EPHB3: variants seen among roughly 807,000 people sequenced by gnomAD.
The protein encoded by EPHB3 is EPH receptor B3, also known as ephrin type-B receptor 3.
Under a neutral mutation model 100.2 loss-of-function variants are expected in EPHB3, and 33 were observed. The observed-to-expected ratio is 0.33, with a 90% CI of 0.25 to 0.44. The LOEUF (loss-of-function observed/expected upper bound fraction) is 0.44, where lower values mean the gene tolerates loss of function less well. Among genes scored for constraint, EPHB3 ranks in the 20% least tolerant of loss-of-function variants. The pLI, the probability that EPHB3 is intolerant of heterozygous loss-of-function variation, is 1.00. For synonymous variants in EPHB3, 526 were observed against 554.7 expected (o/e 0.95, Z 0.73); for missense variants, 1,045 against 1,378.3 (o/e 0.76, Z 3.83).
rs1714701576 is a variant in EPHB3, at chr3:184,577,326, C to T, written c.1355-17C>T. 1.2e-6 allele frequency: 2 copies of T among 1,611,186 alleles called. No individual in the cohort carries two copies. Among genetic ancestry groups the T allele is most frequent in the Non-Finnish European group, 1.7e-6 (2 of 1,178,894 alleles). Reference sequence around the variant, plus strand: ...CAGGGTCCAGGGAGCCCCTGGTGAGCCCTCTGCTCTTCCCAGCCCCGTCTG... The same window carrying T: ...CAGGGTCCAGGGAGCCCCTGGTGAGTCCTCTGCTCTTCCCAGCCCCGTCTG... On this transcript the variant is annotated splice_polypyrimidine_tract_variant and intron_variant, in intron 5 of 15. Coordinates refer to ENST00000330394, the MANE Select transcript of EPHB3 (RefSeq NM_004443.4). This position sits in a 1 kb window ranked among gnomAD's most constrained non-coding sequence, Gnocchi z 4.9.
rs528843005 is a variant in EPHB3 at position 184,563,901 on chromosome 3, CTTGTTGTGG to C, written c.118+1549_118+1557del. On this transcript the variant is annotated intron_variant, in intron 1 of 15. Coordinates refer to ENST00000330394, the MANE Select transcript of EPHB3 (RefSeq NM_004443.4). This position sits in a 1 kb window ranked among gnomAD's most constrained non-coding sequence, Gnocchi z 4.1. ...CCTGTGTGTGTCGGGCCACAAGGCC[CTTGTTGTGG>C]GTGTGGTGGGTGCTGGTGCTGAGTG... 1.3e-5 allele frequency among the ~76,000 whole-genome samples: 2 copies of C among 152,340 alleles called. No individual in the cohort carries two copies. Among genetic ancestry groups the C allele is most frequent in the East Asian group, 3.9e-4 (2 of 5,188 alleles).
chr3:184,577,158 C>T lies in EPHB3; in HGVS notation c.1329C>T (p.Ala443=), dbSNP rs763706707. Residue 443 remains alanine, a synonymous_variant, in exon 5 of 16, where the codon GCC becomes GCT. Transcript: ENST00000330394. This position sits in a 1 kb window ranked among gnomAD's most constrained non-coding sequence, Gnocchi z 4.9. Reference sequence around the variant, plus strand: ...GCCCTCTGCCGCCTCGTTATGCGGCCGTGAATATCACCACAAACCAGGCTG... The same window carrying T: ...GCCCTCTGCCGCCTCGTTATGCGGCTGTGAATATCACCACAAACCAGGCTG... The part of the protein sequence containing the change: ...GKSPLPPRYA[A]VNITTNQAAP... The T allele has an allele frequency of 3.1e-5, 49 of 1,604,196 alleles. No homozygotes were observed. The highest frequency in any genetic ancestry group is 8.0e-5 in the African/African-American group (6 of 74,806).
In EPHB3 at chr3:184,577,849, G is replaced by T; in HGVS notation, c.1639+32G>T. On this transcript the variant is annotated intron_variant, in intron 7 of 15. Transcript: ENST00000330394. This position sits in a 1 kb window ranked among gnomAD's most constrained non-coding sequence, Gnocchi z 4.9. ...AGCCCCCTGCGCCTGTCCCCATCGC[G>T]GCCCTCACTCTCTGTCCCTCCACTC... 1 of 1,605,178 alleles carries T rather than the reference G, an allele frequency of 6.2e-7. No homozygotes were observed. Among genetic ancestry groups the T allele is most frequent in the African/African-American group, 1.3e-5 (1 of 74,836 alleles).
rs1204301997 is a variant in EPHB3 at position 184,580,598 on chromosome 3, C to T, written c.2369C>T (p.Pro790Leu). 1 of 1,613,862 alleles carries T rather than the reference C, an allele frequency of 6.2e-7. No homozygotes were observed. Among genetic ancestry groups the T allele is most frequent in the South Asian group, 1.1e-5 (1 of 91,080 alleles). Residue 790 changes from proline to leucine, a missense_variant, in exon 12 of 16, where the codon CCT (proline) becomes CTT (leucine). This residue lies in a region of EPHB3 where 985 missense variants were observed against 1,331.1 expected (regional missense o/e 0.74). Coordinates refer to ENST00000330394, the MANE Select transcript of EPHB3 (RefSeq NM_004443.4). Reference protein sequence around the residue: ...SRFLEDDPSDPTYTSSLGGKI... With the variant: ...SRFLEDDPSDLTYTSSLGGKI... ...TTCCTGGAGGATGACCCCTCCGATCCTACCTACACCAGTTCCCTGGTACAG... is the reference window on the plus strand; with the variant it reads ...TTCCTGGAGGATGACCCCTCCGATCTTACCTACACCAGTTCCCTGGTACAG...
Position 184,579,720 on chromosome 3 carries a change from A to G in EPHB3, c.1958A>G (p.Lys653Arg). The part of the protein sequence containing the change: ...EFGEVCRGRL[K>R]QPGRREVFVA... Reference sequence around the variant, plus strand: ...GGGGAAGTGTGCCGTGGTCGACTGAAACAGCCTGGCCGCCGAGAGGTGTTT... The same window carrying G: ...GGGGAAGTGTGCCGTGGTCGACTGAGACAGCCTGGCCGCCGAGAGGTGTTT... Residue 653 changes from lysine to arginine, a missense_variant, in exon 11 of 16, where the codon AAA (lysine) becomes AGA (arginine). Lys to Arg is a conservative substitution (Grantham distance 26). Around this residue, in one of 2 missense-constraint regions of EPHB3, gnomAD observed 985 missense variants for 1,331.1 expected, o/e 0.74. Transcript: ENST00000330394. This position sits in a 1 kb window ranked among gnomAD's most constrained non-coding sequence, Gnocchi z 5.2. The G allele has an allele frequency of 6.2e-7, 1 of 1,612,290 alleles. No individual in the cohort carries two copies. The highest frequency in any genetic ancestry group is 1.1e-5 in the South Asian group (1 of 90,984).
intron 1 of EPHB3, among the ~76,000 whole-genome samples, chr3:184,566,309 C>A (rs1231698223): frequency 6.6e-6 from 1 of 152,234 alleles, no homozygotes; most frequent in African/African-American, 2.4e-5. Context: ...GCTTCTTTCC[C>A]CTTCTTCTCC....
rs575968180 is a variant in EPHB3 at position 184,563,342 on chromosome 3, C to A, written c.118+989C>A. ...ACCTTCCCTAAAGTGGAGGGAGGGA[C>A]GCCACAGAAATTCGAGGGCAATTGG... On this transcript the variant is annotated intron_variant, in intron 1 of 15. Coordinates refer to ENST00000330394, the MANE Select transcript of EPHB3 (RefSeq NM_004443.4). The surrounding 1 kb of genome is among the most constrained non-coding windows in gnomAD (Gnocchi z 4.1). Among the ~76,000 whole-genome samples the A allele has an allele frequency of 6.6e-6, 1 of 152,038 alleles. No individual in the cohort carries two copies. Among genetic ancestry groups the A allele is most frequent in the African/African-American group, 2.4e-5 (1 of 41,396 alleles).
In EPHB3 at chr3:184,578,138, C is replaced by T. The variant is rs908272299; in HGVS notation, c.1748+132C>T. 26 of 1,037,776 alleles carry T rather than the reference C, an allele frequency of 2.5e-5. No individual in the cohort carries two copies. The highest frequency in any genetic ancestry group is 1.3e-4 in the African/African-American group (8 of 61,942). 64.3% of individuals were successfully genotyped at this position (1,037,776 alleles called of 1,614,324 possible). On this transcript the variant is annotated intron_variant, in intron 8 of 15. Transcript: ENST00000330394. The surrounding 1 kb of genome is among the most constrained non-coding windows in gnomAD (Gnocchi z 4.7). The stretch of plus-strand genomic sequence containing the variant: ...GGGCCTTAGCCCTCCTGGGGCCAGC[C>T]GTTGCTGGAGAAGCCCTCTCCCATC...
chr3:184,564,399 C>T (rs114725441), intron 1 of EPHB3, among the ~76,000 whole-genome samples: 2,303 of 152,320 alleles, frequency 0.015, 55 homozygotes, highest in African/African-American at 0.053. Flanking sequence ...CTGACCCCAG[C>T]GCAGACATTG....
intron 4 of EPHB3, 33 bp downstream of exon 4, chr3:184,576,018 C>A: frequency 6.4e-7 from 1 of 1,571,534 alleles, no homozygotes; most frequent in South Asian, 1.2e-5. Context: ...TTTCCCTCTG[C>A]AGGCCTTCCC....
At chr3:184,575,332 C>T (rs1228953467) in intron 3 of EPHB3, 27 of 730,870 alleles carry the variant, frequency 3.7e-5, no homozygotes, top group Non-Finnish European at 4.2e-5. Flanking sequence ...GAGCTGCTGC[C>T]TGCGCCTGGT....
At position 184,578,023 on chromosome 3, in the gene EPHB3, T is replaced by G. The variant is rs1377031920; in HGVS notation, c.1748+17T>G. 2.5e-6 allele frequency: 4 copies of G among 1,612,330 alleles called. No homozygotes were observed. The highest frequency in any genetic ancestry group is 3.4e-6 in the Non-Finnish European group (4 of 1,178,900). On this transcript the variant is annotated intron_variant, in intron 8 of 15. Coordinates refer to ENST00000330394, the MANE Select transcript of EPHB3 (RefSeq NM_004443.4). This position sits in a 1 kb window ranked among gnomAD's most constrained non-coding sequence, Gnocchi z 4.7. ...CTGCCTCAGGTACTCCCAGGCCCAC[T>G]GTTGCTCCATGGGCCGCCTCGAACT...
At position 184,562,688 on chromosome 3, in the gene EPHB3, G is replaced by A. The variant is rs1284621590; in HGVS notation, c.118+335G>A. On this transcript the variant is annotated intron_variant, in intron 1 of 15. Transcript: ENST00000330394. The surrounding 1 kb of genome is among the most constrained non-coding windows in gnomAD (Gnocchi z 4.8). ...GGGGCTCCCGGCACCCCCCGAAGTCGAGGACGTGTGGGCGACCCCCCAGGC... is the reference window on the plus strand; with the variant it reads ...GGGGCTCCCGGCACCCCCCGAAGTCAAGGACGTGTGGGCGACCCCCCAGGC... Among the ~76,000 whole-genome samples the A allele has an allele frequency of 1.3e-5, 2 of 152,068 alleles. No individual in the cohort carries two copies. The highest frequency in any genetic ancestry group is 2.4e-5 in the African/African-American group (1 of 41,414).
In EPHB3 at chr3:184,562,295, C is replaced by T. The variant is rs1266793937; in HGVS notation, c.60C>T (p.Leu20=). 8.0e-7 allele frequency: 1 copy of T among 1,244,592 alleles called. No homozygotes were observed. Among genetic ancestry groups the T allele is most frequent in the Non-Finnish European group, 1.0e-6 (1 of 992,476 alleles). The allele number at this position is 1,244,592 out of a possible 1,614,324, so 77.1% of individuals were successfully genotyped here. A position where few individuals can be genotyped will look rare whatever the true frequency, so the allele number is the denominator to read the frequency against. ...CGCCGCCGGGGCTTCTGCCGCTGCT[C>T]CCTCCGCTGCTGCTGCTGCCGCTGC... The part of the protein sequence containing the change: ...PSPPPGLLPL[L]PPLLLLPLLL... The change falls in exon 1 of 16, where the codon CTC becomes CTT. Residue 20 remains leucine (L), a synonymous_variant. Coordinates refer to ENST00000330394, the MANE Select transcript of EPHB3 (RefSeq NM_004443.4). This position sits in a 1 kb window ranked among gnomAD's most constrained non-coding sequence, Gnocchi z 4.8.
At chr3:184,567,438 A>G (rs1177841820) in intron 1 of EPHB3, among the ~76,000 whole-genome samples, 1 of 150,630 alleles carries the variant, frequency 6.6e-6, no homozygotes, top group African/African-American at 2.5e-5. Context: ...CTCTTCCTCT[A>G]CCCCACTGGA....
At position 184,562,459 on chromosome 3, in the gene EPHB3, C is replaced by T. The variant is rs1345825641; in HGVS notation, c.118+106C>T. On this transcript the variant is annotated intron_variant, in intron 1 of 15. Transcript: ENST00000330394. This position sits in a 1 kb window ranked among gnomAD's most constrained non-coding sequence, Gnocchi z 4.8. ...GGATTGAGCGCACGTCGGAGGAGGC[C>T]CCGCCACCGGCGCCCGCTCCGGGGC... is the stretch of plus-strand genomic sequence containing the variant. 4 of 1,117,682 alleles carry T rather than the reference C, an allele frequency of 3.6e-6. No individual in the cohort carries two copies. Among genetic ancestry groups the T allele is most frequent in the African/African-American group, 1.7e-5 (1 of 59,978 alleles). 69.2% of individuals were successfully genotyped at this position (1,117,682 alleles called of 1,614,324 possible).
rs1360082525 is a variant in EPHB3, at chr3:184,572,400, C to G, written c.184-104C>G. The G allele has an allele frequency of 7.5e-7, 1 of 1,337,246 alleles. No individual in the cohort carries two copies. The highest frequency in any genetic ancestry group is 9.9e-7 in the Non-Finnish European group (1 of 1,008,856). The allele number at this position is 1,337,246 out of a possible 1,614,324, so 82.8% of individuals were successfully genotyped here. ...AGCCTGTATGCTCAGCCACTGCACA[C>G]CATAGAAGCATCCCTGTGAAGTAAA... On this transcript the variant is annotated intron_variant, in intron 2 of 15. Transcript: ENST00000330394. The surrounding 1 kb of genome is among the most constrained non-coding windows in gnomAD (Gnocchi z 6.6).
In EPHB3 at chr3:184,563,035, G is replaced by A. The variant is rs1714297680; in HGVS notation, c.118+682G>A. On this transcript the variant is annotated intron_variant, in intron 1 of 15. Coordinates refer to ENST00000330394, the MANE Select transcript of EPHB3 (RefSeq NM_004443.4). The surrounding 1 kb of genome is among the most constrained non-coding windows in gnomAD (Gnocchi z 4.1). Reference sequence around the variant, plus strand: ...TTTGCCCCAGGTAGCAGCAGAGCCCGGCGCCTTCCTCAGTAGCTGGTGGGA... The same window carrying A: ...TTTGCCCCAGGTAGCAGCAGAGCCCAGCGCCTTCCTCAGTAGCTGGTGGGA... Among the ~76,000 whole-genome samples, 1 of 152,194 alleles carries A rather than the reference G, an allele frequency of 6.6e-6. No individual in the cohort carries two copies. Among genetic ancestry groups the A allele is most frequent in the African/African-American group, 2.4e-5 (1 of 41,444 alleles).
chr3:184,572,474 A>G lies in EPHB3; in HGVS notation c.184-30A>G. 1.3e-6 allele frequency: 2 copies of G among 1,529,378 alleles called. No individual in the cohort carries two copies. The highest frequency in any genetic ancestry group is 2.8e-5 in the African/African-American group (2 of 71,690). The allele number at this position is 1,529,378 out of a possible 1,614,324, so 94.7% of individuals were successfully genotyped here. A position where few individuals can be genotyped will look rare whatever the true frequency, so the allele number is the denominator to read the frequency against. On this transcript the variant is annotated intron_variant, in intron 2 of 15. Transcript: ENST00000330394. The surrounding 1 kb of genome is among the most constrained non-coding windows in gnomAD (Gnocchi z 6.6). ...AAGCACTTGGCAAATGCAGGCATTC[A>G]CTCTGTCTTTTTCATTGGTCCATGC... is the stretch of plus-strand genomic sequence containing the variant.
Sources: gnomAD v4.1 joint callset for allele counts (sites outside exome capture counted in the v4.1 genomes callset) on GRCh38, gnomAD v4.1.1 for gene constraint, gnomAD v4.1.1 regional missense constraint, Gnocchi (gnomAD v3.1) non-coding constraint, MANE v1.5 for transcripts, NCBI Gene and HGNC (gene_info 2026-07-23, HGNC 2026-07-21) for gene names.